The following SMCO2 variants were observed in gnomAD, a reference collection of about 807,000 sequenced individuals.
SMCO2 encodes single-pass membrane and coiled-coil domain-containing protein 2.
SMCO2 carries 25 observed loss-of-function variants against 29.5 expected under a neutral mutation model. That is an observed-to-expected ratio of 0.85 (90% CI 0.62 to 1.18). The LOEUF (loss-of-function observed/expected upper bound fraction) is 1.18. SMCO2 is among the 50% of genes most tolerant of loss of function. SMCO2 has a pLI of 0.00. For missense variants in SMCO2, 348 were observed against 344.5 expected (o/e 1.01, Z -0.08); for synonymous variants, 117 against 123.3 (o/e 0.95, Z 0.34).
At chr12:27,441,148 A>G in the SMCO2 span, among the ~76,000 whole-genome samples, 1 of 152,138 alleles carries the variant, frequency 6.6e-6, no homozygotes, top group Non-Finnish European at 1.5e-5. Context: ...AGTCCCAGCT[A>G]CTTGGGAGGC....
intron 5 of SMCO2, among the ~76,000 whole-genome samples, chr12:27,489,241 G>T (rs765696091): frequency 6.6e-6 from 1 of 152,114 alleles, no homozygotes; most frequent in Admixed American, 6.5e-5. Context: ...TAGAGATGGG[G>T]TTTCATCATG....
chr12:27,460,204 TA>T, the SMCO2 span, among the ~76,000 whole-genome samples: 1 of 152,196 alleles, frequency 6.6e-6, no homozygotes, highest in Non-Finnish European at 1.5e-5. Flanking sequence ...TTAAATGAGT[TA>T]ATATATGCAA....
the SMCO2 span, among the ~76,000 whole-genome samples, chr12:27,457,107 A>G: frequency 6.6e-6 from 1 of 151,776 alleles, no homozygotes; most frequent in Non-Finnish European, 1.5e-5. Flanking sequence ...ACGGTTGGGG[A>G]CCACTGGTCT....
the SMCO2 span, among the ~76,000 whole-genome samples, chr12:27,433,599 T>G: frequency 1.7e-4 from 26 of 151,756 alleles, no homozygotes; most frequent in Non-Finnish European, 3.4e-4. Context: ...AGAAAGGAAA[T>G]TCTAAAACTC....
chr12:27,468,881 A>G lies in SMCO2; in HGVS notation c.-10-1741A>G, dbSNP rs892434916. Among the ~76,000 whole-genome samples, 8 of 152,336 alleles carry G rather than the reference A, an allele frequency of 5.3e-5. No homozygotes were observed. The East Asian group carries it at 1.5e-3, about 29-fold the overall frequency. Reference sequence around the variant, plus strand: ...TGTTGTGAGAACTGAATGAGAAAATATGTGAAAGGTACTTTGTAATCTGTT... The same window carrying G: ...TGTTGTGAGAACTGAATGAGAAAATGTGTGAAAGGTACTTTGTAATCTGTT... On this transcript the variant is annotated intron_variant, in intron 1 of 7. Coordinates refer to ENST00000298876, the Ensembl canonical transcript of SMCO2.
At chr12:27,430,802 A>C in the SMCO2 span, among the ~76,000 whole-genome samples, 1 of 152,098 alleles carries the variant, frequency 6.6e-6, no homozygotes, top group African/African-American at 2.4e-5. Flanking sequence ...CACACAAGCA[A>C]ACTGGGGCTT....
chr12:27,496,548 T>C (rs1592220161), intron 7 of SMCO2, among the ~76,000 whole-genome samples: 1 of 150,720 alleles, frequency 6.6e-6, no homozygotes, highest in East Asian at 1.9e-4. Context: ...TGGATGGTAT[T>C]GGAAACACAC....
At chr12:27,472,561 C>T (rs532216534) in intron 2 of SMCO2, among the ~76,000 whole-genome samples, 7 of 152,242 alleles carry the variant, frequency 4.6e-5, no homozygotes, top group Admixed American at 3.9e-4. Flanking sequence ...TTTATGGATT[C>T]AGCCAATTAT....
chr12:27,426,037 T>C, the SMCO2 span, among the ~76,000 whole-genome samples: 38 of 152,228 alleles, frequency 2.5e-4, no homozygotes, highest in Admixed American at 5.2e-4. Context: ...TGATACATGC[T>C]CAACCTTGGG....
the SMCO2 span, among the ~76,000 whole-genome samples, chr12:27,443,217 A>G: frequency 6.6e-6 from 1 of 152,148 alleles, no homozygotes; most frequent in Non-Finnish European, 1.5e-5. Flanking sequence ...AACATATGCA[A>G]ATCAATACCT....
At chr12:27,450,899 C>A in the SMCO2 span, among the ~76,000 whole-genome samples, 94 of 152,290 alleles carry the variant, frequency 6.2e-4, no homozygotes, top group African/African-American at 2.2e-3. Flanking sequence ...AGGCTATCCT[C>A]ACAGGGAAAG....
Position 27,499,306 on chromosome 12 carries a change from T to C in SMCO2, c.684-2617T>C, listed in dbSNP as rs1413227080. ...TACCACAACATGATCTTAGAAAACA[T>C]TGTGCTCAGTGAAAGACAGCCAGAC... On this transcript the variant is annotated intron_variant, in intron 7 of 7. Transcript: ENST00000298876. Among the ~76,000 whole-genome samples, 6 of 150,744 alleles carry C rather than the reference T, an allele frequency of 4.0e-5. 1 individual carries two copies. Among genetic ancestry groups the C allele is most frequent in the African/African-American group, 1.2e-4 (5 of 40,338 alleles).
chr12:27,469,852 A>G (rs1440339553), intron 1 of SMCO2, among the ~76,000 whole-genome samples: 1 of 152,194 alleles, frequency 6.6e-6, no homozygotes, highest in African/African-American at 2.4e-5. Flanking sequence ...CTGTCCAGCG[A>G]ACACCCGCCT....
chr12:27,468,249 A>C (rs1198145093), intron 1 of SMCO2, among the ~76,000 whole-genome samples: 1 of 152,222 alleles, frequency 6.6e-6, no homozygotes, highest in Non-Finnish European at 1.5e-5. Context: ...ACCCAACATC[A>C]TAGAAGAAGG....
At chr12:27,429,565 T>G in the SMCO2 span, among the ~76,000 whole-genome samples, 2 of 152,154 alleles carry the variant, frequency 1.3e-5, no homozygotes, top group South Asian at 2.1e-4. Context: ...ATTATCATAT[T>G]TATAGTTATG....
chr12:27,445,091 A>C, the SMCO2 span, among the ~76,000 whole-genome samples: 2 of 152,228 alleles, frequency 1.3e-5, no homozygotes, highest in African/African-American at 4.8e-5. Flanking sequence ...AGCCAAGCAC[A>C]GAGAGACAAA....
intron 4 of SMCO2, among the ~76,000 whole-genome samples, chr12:27,485,480 C>T (rs1272064232): frequency 1.1e-4 from 16 of 142,126 alleles, no homozygotes; most frequent in African/African-American, 4.3e-4. Context: ...GATAGAGTCT[C>T]ACTCTGTCAC....
exon 8 of SMCO2, chr12:27,502,023 G>A (rs1943085567): frequency 6.5e-7 from 1 of 1,547,988 alleles, no homozygotes; most frequent in African/African-American, 1.4e-5. Flanking sequence ...CTTTGAAAGG[G>A]TGCTTCTGAG....
At chr12:27,424,146 G>A in the SMCO2 span, 5 of 151,930 alleles carry the variant, frequency 3.3e-5, no homozygotes, top group African/African-American at 1.2e-4. Context: ...TTATACATGT[G>A]GCTCAGATTA....
Sources: allele counts gnomAD v4.1 joint callset (sites outside exome capture counted in the v4.1 genomes callset), GRCh38; gene constraint gnomAD v4.1.1; transcripts MANE v1.5; gene names NCBI Gene and HGNC (gene_info 2026-07-23, HGNC 2026-07-21).